RAB6A: variants seen among roughly 807,000 people sequenced by gnomAD.
RAB6A encodes the protein ras-related protein Rab-6A.
In RAB6A, 8 loss-of-function variants were observed where a neutral mutation model predicts 32.3. That is an observed-to-expected ratio of 0.25 (90% confidence interval 0.15 to 0.45). The LOEUF is 0.45. Among genes scored for constraint, RAB6A ranks in the 20% least tolerant of loss-of-function variants. RAB6A has a pLI of 1.00. For missense variants in RAB6A, 104 were observed against 249.4 expected (o/e 0.42, Z 3.93); for synonymous variants, 73 against 82.1 (o/e 0.89, Z 0.60).
intron 7 of RAB6A, among the ~76,000 whole-genome samples, chr11:73,679,426 GCAAA>G (rs1945318816): frequency 1.3e-5 from 2 of 152,172 alleles, no homozygotes; most frequent in Admixed American, 6.6e-5. Flanking sequence ...TTAAAAGCAA[GCAAA>G]CAAACACAAA....
chr11:73,688,050 T>C (rs1396744539), intron 6 of RAB6A, among the ~76,000 whole-genome samples: 1 of 152,198 alleles, frequency 6.6e-6, no homozygotes, highest in Non-Finnish European at 1.5e-5. Flanking sequence ...GTGAAGTGAA[T>C]TTTAGCCACT....
intron 6 of RAB6A, among the ~76,000 whole-genome samples, chr11:73,694,369 G>C (rs1327004542): frequency 1.3e-5 from 2 of 152,262 alleles, no homozygotes; most frequent in Non-Finnish European, 2.9e-5. Context: ...ATTTGCCATA[G>C]ACCAAATAAA....
chr11:73,727,957 G>C (rs552141413), intron 2 of RAB6A, among the ~76,000 whole-genome samples: 2 of 152,040 alleles, frequency 1.3e-5, no homozygotes, highest in Non-Finnish European at 2.9e-5. Flanking sequence ...AGTAAATTAA[G>C]AGTAACTTGT....
chr11:73,739,825 G>C (rs1426778801), intron 1 of RAB6A, among the ~76,000 whole-genome samples: 2 of 152,046 alleles, frequency 1.3e-5, no homozygotes, highest in African/African-American at 4.8e-5. Flanking sequence ...GGGAGGCCCG[G>C]GCGGGCAGAT....
intron 5 of RAB6A, among the ~76,000 whole-genome samples, chr11:73,709,452 T>TTATTATTA (rs1945905249): frequency 7.0e-6 from 1 of 143,202 alleles, no homozygotes; most frequent in Non-Finnish European, 1.5e-5. Context: ...ATTATTATTA[T>TTATTATTA]TATTATTATT....
At chr11:73,756,053 T>C (rs1275361133) in intron 1 of RAB6A, among the ~76,000 whole-genome samples, 2 of 151,922 alleles carry the variant, frequency 1.3e-5, no homozygotes, top group African/African-American at 4.8e-5. Flanking sequence ...ATCTAGCCAA[T>C]ATAAAATGTT....
chr11:73,743,319 A>C (rs892117372), intron 1 of RAB6A, among the ~76,000 whole-genome samples: 1 of 151,976 alleles, frequency 6.6e-6, no homozygotes, highest in South Asian at 2.1e-4. Flanking sequence ...AAAAAAAAAA[A>C]AAGAGAAAAA....
chr11:73,679,848 T>C lies in RAB6A; in HGVS notation c.496-128A>G, dbSNP rs961994826. On this transcript the variant is annotated intron_variant, in intron 6 of 7. Transcript: ENST00000336083. ...GGCTCACACCTGTAATCCCAGCACT[T>C]TGGGACCCACCCGAGGTGGGCAGAT... 8 of 1,242,656 alleles carry C rather than the reference T, an allele frequency of 6.4e-6. No homozygotes were observed. The African/African-American group carries it at 1.0e-4, about 16-fold the overall frequency. 77.0% of individuals were successfully genotyped at this position (1,242,656 alleles called of 1,614,324 possible).
At chr11:73,707,094 G>C (rs989955205) in intron 6 of RAB6A, among the ~76,000 whole-genome samples, 1 of 147,300 alleles carries the variant, frequency 6.8e-6, no homozygotes. Flanking sequence ...TTCAAGCCTC[G>C]GCAACAAGAG....
At chr11:73,751,913 G>A (rs948771862) in intron 1 of RAB6A, among the ~76,000 whole-genome samples, 2 of 152,000 alleles carry the variant, frequency 1.3e-5, no homozygotes, top group Non-Finnish European at 2.9e-5. Context: ...CTGCAGTAAA[G>A]ACCCACAAAC....
At chr11:73,688,680 CT>C in intron 6 of RAB6A, among the ~76,000 whole-genome samples, 1 of 152,174 alleles carries the variant, frequency 6.6e-6, no homozygotes, top group Non-Finnish European at 1.5e-5. Context: ...AAATAACATT[CT>C]TTTTGCCATA....
At chr11:73,728,667 T>C (rs1166276441) in intron 2 of RAB6A, among the ~76,000 whole-genome samples, 5 of 126,712 alleles carry the variant, frequency 3.9e-5, no homozygotes, top group Non-Finnish European at 6.9e-5. Context: ...AAAATAATAG[T>C]GTATATCTTT....
At chr11:73,726,114 G>A (rs567124251) in intron 2 of RAB6A, among the ~76,000 whole-genome samples, 8 of 151,986 alleles carry the variant, frequency 5.3e-5, no homozygotes, top group South Asian at 2.1e-4. Context: ...GTGAAACCCC[G>A]TCTCTAGTAA....
At chr11:73,700,643 A>C (rs1203354465) in intron 6 of RAB6A, among the ~76,000 whole-genome samples, 2 of 148,000 alleles carry the variant, frequency 1.4e-5, no homozygotes, top group Admixed American at 6.8e-5. Context: ...AGTGGATGAG[A>C]AATCTAAGGA....
chr11:73,756,902 G>A (rs954251586), intron 1 of RAB6A, among the ~76,000 whole-genome samples: 17 of 151,248 alleles, frequency 1.1e-4, no homozygotes, highest in African/African-American at 3.9e-4. Context: ...TTGAACTCCT[G>A]ACCTCAGGTG....
At chr11:73,745,471 G>C (rs1418527541) in intron 1 of RAB6A, among the ~76,000 whole-genome samples, 5 of 152,158 alleles carry the variant, frequency 3.3e-5, no homozygotes, top group Non-Finnish European at 5.9e-5. Flanking sequence ...CAGGCCGGGT[G>C]CAGTGACTAA....
chr11:73,678,240 T>C (rs1184900693), intron 7 of RAB6A, among the ~76,000 whole-genome samples: 5 of 152,238 alleles, frequency 3.3e-5, no homozygotes, highest in Admixed American at 3.3e-4. Flanking sequence ...ATGAAGATGA[T>C]GTTCCTCATA....
chr11:73,706,461 C>G (rs894396128), intron 6 of RAB6A, among the ~76,000 whole-genome samples: 1 of 151,696 alleles, frequency 6.6e-6, no homozygotes, highest in African/African-American at 2.4e-5. Context: ...TTGCAGTGAG[C>G]CGAGATCGCG....
intron 1 of RAB6A, among the ~76,000 whole-genome samples, chr11:73,747,719 A>C (rs1436659744): frequency 1.3e-5 from 2 of 151,818 alleles, no homozygotes; most frequent in East Asian, 3.9e-4. Flanking sequence ...GATTTTCCCC[A>C]TTTTCCCTTG....
Sources: allele counts gnomAD v4.1 joint callset (sites outside exome capture counted in the v4.1 genomes callset), GRCh38; gene constraint gnomAD v4.1.1; transcripts MANE v1.5; gene names NCBI Gene and HGNC (gene_info 2026-07-23, HGNC 2026-07-21).